WDR18: variants seen among roughly 807,000 people sequenced by gnomAD.
WDR18 encodes the protein WD repeat-containing protein 18.
A neutral mutation model predicts 49.6 loss-of-function variants in WDR18; 33 were observed. That is an observed-to-expected ratio of 0.67 (90% CI 0.50 to 0.89). WDR18 has a LOEUF of 0.89. Ranked by LOEUF, WDR18 falls within the 40% of genes least tolerant of loss-of-function variation. The pLI, the probability that WDR18 is intolerant of heterozygous loss-of-function variation, is 0.00. For synonymous variants in WDR18, 315 were observed against 263.6 expected (o/e 1.19, Z -1.89); for missense variants, 653 against 593.6 (o/e 1.10, Z -1.04).
upstream of WDR18, chr19:984,161 C>T (rs2038447141): frequency 2.4e-5 from 14 of 595,668 alleles, no homozygotes; most frequent in South Asian, 3.2e-4. Flanking sequence ...GATCTCTAAG[C>T]AGGCCGCGCG....
rs181862253 is a variant in WDR18, at chr19:993,987, C to T, written c.1099-33C>T. 840 of 1,547,380 alleles carry T rather than the reference C, an allele frequency of 5.4e-4. 3 individuals carry two copies. Among genetic ancestry groups the T allele is most frequent in the East Asian group, 3.3e-3 (137 of 40,916 alleles). On this transcript the variant is annotated intron_variant, in intron 8 of 9. Transcript: ENST00000585809. ...AAAGCGTGTGGTGTGTGACAGGACG[C>T]GCCCCGAGGTCACGTGGCTCCCTGT...
chr19:991,078 C>A lies in WDR18; in HGVS notation c.742-3C>A. On this transcript the variant is annotated splice_region_variant and splice_polypyrimidine_tract_variant and intron_variant, in intron 5 of 9. Transcript: ENST00000585809. Reference sequence around the variant, plus strand: ...CGGCTCACACACGTCTCGGCCTTCGCAGCCCGGACAGAGGGAGAGGAGCTT... The same window carrying A: ...CGGCTCACACACGTCTCGGCCTTCGAAGCCCGGACAGAGGGAGAGGAGCTT... The A allele has an allele frequency of 6.2e-7, 1 of 1,603,588 alleles. No individual in the cohort carries two copies. The highest frequency in any genetic ancestry group is 1.7e-5 in the Admixed American group (1 of 58,826).
intron 5 of WDR18, 22 bp downstream of exon 5, chr19:991,017 C>CT: frequency 6.2e-7 from 1 of 1,601,404 alleles, no homozygotes; most frequent in South Asian, 1.1e-5. Flanking sequence ...GGTCTGCGGG[C>CT]TGCACCCTGC....
In WDR18 at chr19:994,209, G is replaced by T. The variant is rs576666092; in HGVS notation, c.1168-4G>T. On this transcript the variant is annotated splice_region_variant and splice_polypyrimidine_tract_variant and intron_variant, in intron 9 of 9. Transcript: ENST00000585809. ...CTGCCCTCTGACCCCGACTTCTCCC[G>T]CAGAGCGTGCTCGGCGGCCAGGACC... is the stretch of plus-strand genomic sequence containing the variant. The T allele has an allele frequency of 9.4e-6, 15 of 1,597,372 alleles. No homozygotes were observed. Among genetic ancestry groups the T allele is most frequent in the Non-Finnish European group, 1.3e-5 (15 of 1,174,690 alleles).
intron 7 of WDR18, 22 bp downstream of exon 7, chr19:991,373 C>CTG: frequency 6.5e-7 from 1 of 1,534,522 alleles, no homozygotes; most frequent in Non-Finnish European, 8.8e-7. Flanking sequence ...TCTGCTCGGC[C>CTG]CGCGGCCAGC....
upstream of WDR18, among the ~76,000 whole-genome samples, chr19:983,948 GCT>G (rs1353315839): frequency 2.6e-5 from 4 of 152,238 alleles, no homozygotes; most frequent in African/African-American, 4.8e-5. Context: ...CTGGGTGTGC[GCT>G]CTCTCTTTTA....
chr19:990,896 T>C lies in WDR18; in HGVS notation c.642T>C (p.Phe214=), dbSNP rs765390479. The change falls in exon 5 of 10, where the codon TTT becomes TTC. Residue 214 remains phenylalanine (F), a synonymous_variant. Coordinates refer to ENST00000585809, the MANE Select transcript of WDR18 (RefSeq NM_024100.4). The stretch of plus-strand genomic sequence containing the variant: ...GGGAGCTGCTGCTCTCCGTCCTCTT[T>C]GACGTGTCCATCATGGCAGTGACCA... ...SSGELLLSVL[F]DVSIMAVTMD... 6 of 1,612,560 alleles carry C rather than the reference T, an allele frequency of 3.7e-6. No individual in the cohort carries two copies. Among genetic ancestry groups the C allele is most frequent in the East Asian group, 4.5e-5 (2 of 44,886 alleles).
At chr19:983,024 C>T (rs765204647), upstream of WDR18, among the ~76,000 whole-genome samples, 1 of 152,248 alleles carries the variant, frequency 6.6e-6, no homozygotes, top group Non-Finnish European at 1.5e-5. Context: ...GCCCCTGCCT[C>T]TTGCTGCTCG....
Position 986,006 on chromosome 19 carries a change from C to T in WDR18, c.321+31C>T. 2.5e-6 allele frequency: 4 copies of T among 1,599,022 alleles called. No individual in the cohort carries two copies. The South Asian group carries it at 3.3e-5, about 13-fold the overall frequency. On this transcript the variant is annotated intron_variant, in intron 2 of 9. Coordinates refer to ENST00000585809, the MANE Select transcript of WDR18 (RefSeq NM_024100.4). ...AGGAGCAAAGCGTGAGCGTTTCCCA[C>T]AGGACATCTCAGCCCATCTGAGCTT... is the stretch of plus-strand genomic sequence containing the variant.
chr19:994,488 C>A lies in WDR18; in HGVS notation c.*144C>A. ...TTCGGGTTTTTCCTCTGTGACTGGG[C>A]CGTCTTGGTGTCTCGTGGCACGCGT... On this transcript the variant is annotated 3_prime_UTR_variant, in exon 10 of 10. Coordinates refer to ENST00000585809, the MANE Select transcript of WDR18 (RefSeq NM_024100.4). 8.1e-7 allele frequency: 1 copy of A among 1,229,798 alleles called. No individual in the cohort carries two copies. 76.2% of individuals were successfully genotyped at this position (1,229,798 alleles called of 1,614,324 possible).
chr19:993,836 A>G (rs1821537819), intron 8 of WDR18, among the ~76,000 whole-genome samples, 184 bp from the exon 9 acceptor site: 1 of 152,192 alleles, frequency 6.6e-6, no homozygotes, highest in Non-Finnish European at 1.5e-5. Flanking sequence ...GGCCAGGGTC[A>G]GGGTTGTCAT....
chr19:989,645 A>C (rs1599446015), intron 2 of WDR18, 117 bp from the exon 3 acceptor site: 2 of 1,428,346 alleles, frequency 1.4e-6, no homozygotes, highest in South Asian at 2.6e-5. Flanking sequence ...GGGGCAGGGC[A>C]GGCAGGGGGC....
chr19:990,511 C>G, intron 4 of WDR18, 147 bp downstream of exon 4: 1 of 1,218,004 alleles, frequency 8.2e-7, no homozygotes, highest in Non-Finnish European at 1.1e-6. Flanking sequence ...AGCCCAAGGA[C>G]GTCCAGGGAG....
At chr19:991,868 G>C in intron 7 of WDR18, 87 bp from the exon 8 acceptor site, 1 of 1,361,674 alleles carries the variant, frequency 7.3e-7, no homozygotes, top group African/African-American at 1.6e-5. Flanking sequence ...CTGGGGGCGG[G>C]GACTGCCCTG....
At chr19:984,280 G>T (rs1406880203), upstream of WDR18, 3 of 1,386,392 alleles carry the variant, frequency 2.2e-6, no homozygotes, top group Admixed American at 3.3e-5. Context: ...CGGGGCCGCC[G>T]CTCTGGCCCG....
intron 8 of WDR18, among the ~76,000 whole-genome samples, chr19:992,450 G>T (rs2038572439): frequency 6.6e-6 from 1 of 152,248 alleles, no homozygotes; most frequent in South Asian, 2.1e-4. Flanking sequence ...CATACTTCGG[G>T]CTGTGAGAGC....
chr19:983,216 A>G (rs57762159), upstream of WDR18, among the ~76,000 whole-genome samples: 6,236 of 152,238 alleles, frequency 0.041, 315 homozygotes, highest in East Asian at 0.16. Context: ...GCCAAGGCCT[A>G]AGCCCAGGTG....
At position 984,364 on chromosome 19, in the gene WDR18, C is replaced by T. The variant is rs1475794451; in HGVS notation, c.11C>T (p.Pro4Leu). 4 of 1,592,758 alleles carry T rather than the reference C, an allele frequency of 2.5e-6. No homozygotes were observed. Among genetic ancestry groups the T allele is most frequent in the African/African-American group, 2.8e-5 (2 of 72,404 alleles). Residue 4 changes from proline to leucine, a missense_variant, in exon 1 of 10, where the codon CCC becomes CTC. Physicochemically the swap from Pro to Leu is moderately conservative, Grantham distance 98. Coordinates refer to ENST00000585809, the MANE Select transcript of WDR18 (RefSeq NM_024100.4). ...GGTGGGGAAGGCAAGATGGCGGCGC[C>T]CATGGAGGTGGCCGTGTGTACGGAC... MAA[P>L]MEVAVCTDSA... is the part of the protein sequence containing the mutation.
chr19:991,266 C>A lies in WDR18; in HGVS notation c.846C>A (p.Ser282Arg). 1 of 1,572,934 alleles carries A rather than the reference C, an allele frequency of 6.4e-7. No individual in the cohort carries two copies. Among genetic ancestry groups the A allele is most frequent in the East Asian group, 2.3e-5 (1 of 42,670 alleles). Residue 282 changes from serine to arginine, a missense_variant, in exon 7 of 10, where the codon AGC (serine) becomes AGA (arginine). By Grantham distance (110) the Ser-to-Arg change is moderately radical. Transcript: ENST00000585809. ...GCCTGTCAGTGTCCACTGACGGCAG[C>A]GTGCTGCTCTCAGGCTCCCACGACG... Reference protein sequence around the residue: ...VTCLSVSTDGSVLLSGSHDET... With the variant: ...VTCLSVSTDGRVLLSGSHDET...
Sources: gnomAD v4.1 joint callset for allele counts (sites outside exome capture counted in the v4.1 genomes callset) on GRCh38, gnomAD v4.1.1 for gene constraint, MANE v1.5 for transcripts, NCBI Gene and HGNC (gene_info 2026-07-23, HGNC 2026-07-21) for gene names.